The following ANGPTL4 variants were observed in gnomAD, a reference collection of about 807,000 sequenced individuals.
ANGPTL4 encodes angiopoietin like 4.
ANGPTL4 carries 39 observed loss-of-function variants against 39.2 expected under a neutral mutation model. That is an observed-to-expected ratio of 1.00 (90% CI 0.77 to 1.30). The LOEUF is 1.30. ANGPTL4 is among the 50% of genes most tolerant of loss of function. ANGPTL4 has a pLI of 0.00. For missense variants in ANGPTL4, 545 were observed against 549.8 expected (o/e 0.99, Z 0.09); for synonymous variants, 233 against 229.5 (o/e 1.02, Z -0.14).
intron 3 of ANGPTL4, among the ~76,000 whole-genome samples, chr19:8,367,368 C>T (rs969400980): frequency 1.3e-5 from 2 of 152,198 alleles, no homozygotes; most frequent in South Asian, 2.1e-4. Flanking sequence ...GGGTTCGGGA[C>T]TCCCAGACTC....
chr19:8,364,416 C>G lies in ANGPTL4; in HGVS notation c.95C>G (p.Ser32Trp). ...SAQGGPVQSK[S>W]PRFASWDEMN... ...CAGGGCGGACCCGTGCAGTCCAAGT[C>G]GCCGCGCTTTGCGTCCTGGGACGAG... is the stretch of plus-strand genomic sequence containing the variant. The change falls in exon 1 of 7, where the codon TCG becomes TGG. Residue 32 changes from serine (S) to tryptophan (W), a missense_variant. Coordinates refer to ENST00000301455, the MANE Select transcript of ANGPTL4 (RefSeq NM_139314.3). 6.5e-7 allele frequency: 1 copy of G among 1,548,400 alleles called. No homozygotes were observed. The highest frequency in any genetic ancestry group is 1.9e-5 in the Admixed American group (1 of 51,390).
intron 4 of ANGPTL4, among the ~76,000 whole-genome samples, chr19:8,370,059 C>T (rs1010891666): frequency 2.6e-5 from 4 of 151,830 alleles, no homozygotes; most frequent in East Asian, 2.0e-4. Context: ...AAAAATTAGC[C>T]GGGCATGGTG....
intron 3 of ANGPTL4, among the ~76,000 whole-genome samples, chr19:8,367,725 G>A (rs79270436): frequency 0.015 from 2,319 of 152,258 alleles, 48 homozygotes; most frequent in African/African-American, 0.053. Context: ...CTCCCTCTAG[G>A]AGCTGGGACC....
At chr19:8,373,597 C>T in intron 6 of ANGPTL4, 108 bp from the exon 7 acceptor site, 1 of 1,522,056 alleles carries the variant, frequency 6.6e-7, no homozygotes, top group Non-Finnish European at 9.0e-7. Context: ...AGTCCAAAGC[C>T]CAGCCTGGTC....
At position 8,371,645 on chromosome 19, in the gene ANGPTL4, G is replaced by C. The variant is rs979373348; in HGVS notation, c.1039+123G>C. The C allele has an allele frequency of 2.8e-6, 4 of 1,404,188 alleles. No individual in the cohort carries two copies. The Admixed American group carries it at 6.0e-5, about 21-fold the overall frequency. 87.0% of individuals were successfully genotyped at this position (1,404,188 alleles called of 1,614,324 possible). A position where few individuals can be genotyped will look rare whatever the true frequency, so the allele number is the denominator to read the frequency against. ...TGCCCCCACCTCTTCCTTACATGCC[G>C]TGTGTGTGATTGGGCCACTAACTTA... On this transcript the variant is annotated intron_variant, in intron 6 of 6. Transcript: ENST00000301455. The surrounding 1 kb of genome is among the most constrained non-coding windows in gnomAD (Gnocchi z 5.1).
intron 3 of ANGPTL4, among the ~76,000 whole-genome samples, chr19:8,367,153 T>C (rs1295044534): frequency 6.6e-6 from 1 of 151,970 alleles, no homozygotes; most frequent in Non-Finnish European, 1.5e-5. Flanking sequence ...ACTGTAGACC[T>C]GAGGGTTCTC....
In ANGPTL4 at chr19:8,364,297, C is replaced by T; in HGVS notation, c.-25C>T. On this transcript the variant is annotated 5_prime_UTR_variant, in exon 1 of 7. Transcript: ENST00000301455. ...CCAACGTCCCCGAGAGTCCCCGAAT[C>T]CCCGCTCCCAGGCTACCTAAGAGGA... 8 of 1,531,958 alleles carry T rather than the reference C, an allele frequency of 5.2e-6. No individual in the cohort carries two copies. Among genetic ancestry groups the T allele is most frequent in the Non-Finnish European group, 7.0e-6 (8 of 1,142,582 alleles). The allele number at this position is 1,531,958 out of a possible 1,614,324, so 94.9% of individuals were successfully genotyped here.
At chr19:8,367,672 C>T (rs1484233772) in intron 3 of ANGPTL4, among the ~76,000 whole-genome samples, 1 of 152,052 alleles carries the variant, frequency 6.6e-6, no homozygotes, top group African/African-American at 2.4e-5. Context: ...CAACGCCATC[C>T]TCCCCTCCTC....
intron 6 of ANGPTL4, among the ~76,000 whole-genome samples, chr19:8,372,591 G>C (rs1013303751): frequency 6.6e-6 from 1 of 151,330 alleles, no homozygotes; most frequent in African/African-American, 2.4e-5. Flanking sequence ...TTGAGCCCAG[G>C]AGACCAATCT....
chr19:8,366,776 C>T (rs1971014756), intron 3 of ANGPTL4, among the ~76,000 whole-genome samples: 2 of 151,932 alleles, frequency 1.3e-5, no homozygotes, highest in South Asian at 2.1e-4. Flanking sequence ...GCTGGGAACC[C>T]CCAGCTCCCA....
chr19:8,365,923 G>T (rs1251167876), intron 1 of ANGPTL4, 31 bp from the exon 2 acceptor site: 5 of 1,572,466 alleles, frequency 3.2e-6, no homozygotes, highest in Non-Finnish European at 4.4e-6. Flanking sequence ...AGGCAAGCTG[G>T]GTCCTCACCA....
chr19:8,366,017 C>T lies in ANGPTL4; in HGVS notation c.382C>T (p.Arg128Trp), dbSNP rs781178060. 7 of 1,614,076 alleles carry T rather than the reference C, an allele frequency of 4.3e-6. No homozygotes were observed. The highest frequency in any genetic ancestry group is 2.7e-5 in the African/African-American group (2 of 75,002). The change falls in exon 2 of 7, where the codon CGG becomes TGG. Residue 128 changes from arginine to tryptophan, a missense_variant. By Grantham distance (101) the Arg-to-Trp change is moderately radical. Coordinates refer to ENST00000301455, the MANE Select transcript of ANGPTL4 (RefSeq NM_139314.3). Reference protein sequence around the residue: ...QLFHKVAQQQRHLEKQHLRIQ... With the variant: ...QLFHKVAQQQWHLEKQHLRIQ... ...CTTCCACAAGGTGGCCCAGCAGCAGCGGCACCTGGAGAAGCAGCACCTGCG... is the reference window on the plus strand; with the variant it reads ...CTTCCACAAGGTGGCCCAGCAGCAGTGGCACCTGGAGAAGCAGCACCTGCG...
chr19:8,364,421 C>A lies in ANGPTL4; in HGVS notation c.100C>A (p.Arg34Ser), dbSNP rs199968545. The A allele has an allele frequency of 1.3e-6, 2 of 1,549,556 alleles. No individual in the cohort carries two copies. Among genetic ancestry groups the A allele is most frequent in the Middle Eastern group, 1.8e-4 (1 of 5,574 alleles). ...CGGACCCGTGCAGTCCAAGTCGCCG[C>A]GCTTTGCGTCCTGGGACGAGATGAA... ...QGGPVQSKSPRFASWDEMNVL... is the reference protein window; with the variant it reads ...QGGPVQSKSPSFASWDEMNVL... The change falls in exon 1 of 7, where the codon CGC (arginine) becomes AGC (serine). Residue 34 changes from arginine to serine, a missense_variant. Coordinates refer to ENST00000301455, the MANE Select transcript of ANGPTL4 (RefSeq NM_139314.3).
intron 3 of ANGPTL4, among the ~76,000 whole-genome samples, chr19:8,366,698 G>A (rs1470018894): frequency 6.6e-6 from 1 of 152,010 alleles, no homozygotes; most frequent in Non-Finnish European, 1.5e-5. Context: ...CATGGAGGAG[G>A]GGGTGCCAGG....
chr19:8,366,770 G>A (rs772861267), intron 3 of ANGPTL4, among the ~76,000 whole-genome samples: 1 of 151,874 alleles, frequency 6.6e-6, no homozygotes, highest in Non-Finnish European at 1.5e-5. Context: ...ATTAGGGCTG[G>A]GAACCCCCAG....
rs767011433 is a variant in ANGPTL4 at position 8,366,309 on chromosome 19, C to T, written c.537C>T (p.Ser179=). The change falls in exon 3 of 7, where the codon AGC becomes AGT. Residue 179 remains serine (S), a synonymous_variant. Coordinates refer to ENST00000301455, the MANE Select transcript of ANGPTL4 (RefSeq NM_139314.3). The stretch of plus-strand genomic sequence containing the variant: ...CAGTTGACCCGGCTCACAATGTCAG[C>T]CGCCTGCACCGTGAGTGTCTGCCCC... ...AQPVDPAHNV[S]RLHRLPRDCQ... is the part of the protein sequence containing the mutation. The T allele has an allele frequency of 4.3e-6, 7 of 1,613,676 alleles. No individual in the cohort carries two copies. The highest frequency in any genetic ancestry group is 4.5e-5 in the East Asian group (2 of 44,886).
intron 3 of ANGPTL4, among the ~76,000 whole-genome samples, chr19:8,367,909 C>T (rs900561145): frequency 2.6e-5 from 4 of 152,250 alleles, no homozygotes; most frequent in Non-Finnish European, 4.4e-5. Flanking sequence ...CAGCTCACTG[C>T]AACCTCTGCC....
At position 8,368,341 on chromosome 19, in the gene ANGPTL4, G is replaced by C. The variant is rs138659378; in HGVS notation, c.548-878G>C. On this transcript the variant is annotated intron_variant, in intron 3 of 6. Coordinates refer to ENST00000301455, the MANE Select transcript of ANGPTL4 (RefSeq NM_139314.3). ...AGTCTTTATTGAGCAGCTGCTATGC[G>C]CTGGGGCCTGCGTGGATGCTGGTGC... 3.3e-3 allele frequency among the ~76,000 whole-genome samples: 506 copies of C among 152,256 alleles called. 3 individuals carry two copies. The highest frequency in any genetic ancestry group is 0.024 in the Middle Eastern group (7 of 294).
chr19:8,373,403 C>CA (rs942565010), intron 6 of ANGPTL4, among the ~76,000 whole-genome samples: 86 of 148,392 alleles, frequency 5.8e-4, no homozygotes, highest in Admixed American at 1.2e-3. Flanking sequence ...GACTCAGTCT[C>CA]AAAAAAAAAG....
Sources: gnomAD v4.1 joint callset for allele counts (sites outside exome capture counted in the v4.1 genomes callset) on GRCh38, gnomAD v4.1.1 for gene constraint, Gnocchi (gnomAD v3.1) non-coding constraint, MANE v1.5 for transcripts, NCBI Gene and HGNC (gene_info 2026-07-23, HGNC 2026-07-21) for gene names.